Variants in PRMT9 observed in about 807,000 individuals in gnomAD.
PRMT9 encodes protein arginine N-methyltransferase 9.
In PRMT9, 59 loss-of-function variants were observed where a neutral mutation model predicts 83.2. The ratio of observed to expected loss-of-function variants is 0.71; its 90% CI spans 0.57 to 0.88. The LOEUF is 0.88. PRMT9 is among the 40% of genes least tolerant of loss of function. The pLI is 0.00. For missense variants in PRMT9, 947 were observed against 1,021.9 expected (o/e 0.93, Z 1.00); for synonymous variants, 333 against 353.2 (o/e 0.94, Z 0.64).
intron 9 of PRMT9, among the ~76,000 whole-genome samples, chr4:147,653,293 A>T (rs1474893980): frequency 6.6e-6 from 1 of 152,032 alleles, no homozygotes; most frequent in African/African-American, 2.4e-5. Context: ...TACTAAAAAT[A>T]CAAAATTAGC....
rs1186277127 is a variant in PRMT9, at chr4:147,680,465, A to G, written c.196T>C (p.Phe66Leu). The G allele has an allele frequency of 6.2e-7, 1 of 1,613,058 alleles. No individual in the cohort carries two copies. The highest frequency in any genetic ancestry group is 8.5e-7 in the Non-Finnish European group (1 of 1,179,194). ...GCCCATCTGAAAAGTGTGTACTGAA[A>G]AGTTTCCTTTACAAATAAGAAAAAA... ...PELKHDVKET[F>L]QYTLFRWAEE... The change falls in exon 2 of 12, where the codon TTT (phenylalanine) becomes CTT (leucine). Residue 66 changes from phenylalanine (F) to leucine (L), a missense_variant. Physicochemically the swap from Phe to Leu is conservative, Grantham distance 22. Transcript: ENST00000322396.
intron 5 of PRMT9, among the ~76,000 whole-genome samples, chr4:147,670,201 C>T (rs1040464055): frequency 3.3e-5 from 5 of 151,580 alleles, no homozygotes; most frequent in African/African-American, 4.9e-5. Context: ...TTGTTTGAGA[C>T]GGAGTTTCGC....
chr4:147,659,195 G>C (rs916922315), intron 7 of PRMT9, among the ~76,000 whole-genome samples: 1 of 142,828 alleles, frequency 7.0e-6, no homozygotes, highest in Admixed American at 7.0e-5. Flanking sequence ...AAAAAAAAGA[G>C]TTCGAGACCA....
At chr4:147,665,784 ATTT>A (rs1735286634) in intron 6 of PRMT9, among the ~76,000 whole-genome samples, 1 of 152,126 alleles carries the variant, frequency 6.6e-6, no homozygotes, top group Admixed American at 6.6e-5. Flanking sequence ...TACCTTAACC[ATTT>A]TTTTGCATAA....
chr4:147,637,881 A>G lies in PRMT9; in HGVS notation c.*651T>C, dbSNP rs1402067805. The G allele has an allele frequency of 1.3e-5, 2 of 152,420 alleles. No individual in the cohort carries two copies. The highest frequency in any genetic ancestry group is 2.4e-5 in the African/African-American group (1 of 41,462). 9.4% of individuals were successfully genotyped at this position (152,420 alleles called of 1,614,324 possible). On this transcript the variant is annotated 3_prime_UTR_variant, in exon 12 of 12. Coordinates refer to ENST00000322396, the MANE Select transcript of PRMT9 (RefSeq NM_138364.4). ...TACATCCAAATCAAAACTTTGAAAA[A>G]TAGTATAGGATTAAGTCTTCCTTCA...
intron 9 of PRMT9, among the ~76,000 whole-genome samples, chr4:147,649,238 C>T (rs1035559194): frequency 6.6e-6 from 1 of 151,166 alleles, no homozygotes; most frequent in African/African-American, 2.4e-5. Context: ...AGAGGGCTGA[C>T]CTCATCCTGT....
chr4:147,641,989 C>G (rs929313554), intron 10 of PRMT9, among the ~76,000 whole-genome samples: 2 of 152,082 alleles, frequency 1.3e-5, no homozygotes, highest in East Asian at 3.9e-4. Flanking sequence ...CTCCTTATTT[C>G]CTAAACAGAG....
At chr4:147,673,194 T>C in intron 3 of PRMT9, 68 bp from the exon 4 acceptor site, 1 of 1,423,888 alleles carries the variant, frequency 7.0e-7, no homozygotes, top group Non-Finnish European at 9.9e-7. Context: ...TTTAAGGAAA[T>C]GATGATGCTA....
At chr4:147,669,707 A>C (rs74850430) in intron 5 of PRMT9, among the ~76,000 whole-genome samples, 1 of 152,160 alleles carries the variant, frequency 6.6e-6, no homozygotes, top group Non-Finnish European at 1.5e-5. Flanking sequence ...AAAAAAAAAA[A>C]CTGCTCTTTT....
intron 8 of PRMT9, among the ~76,000 whole-genome samples, chr4:147,655,543 T>G (rs141985308): frequency 6.6e-6 from 1 of 152,062 alleles, no homozygotes; most frequent in African/African-American, 2.4e-5. Context: ...AAAATACAAA[T>G]TGTTATACTT....
chr4:147,661,658 C>T lies in PRMT9; in HGVS notation c.954-620G>A, dbSNP rs776083785. 5.3e-5 allele frequency among the ~76,000 whole-genome samples: 8 copies of T among 151,814 alleles called. 1 individual carries two copies. Among genetic ancestry groups the T allele is most frequent in the East Asian group, 1.9e-4 (1 of 5,160 alleles). ...ACAAAAGATTAGCCGGGCGTGTTGG[C>T]GGGCGCCTGTAGTTCCAGCTACTTG... On this transcript the variant is annotated intron_variant, in intron 6 of 11. Coordinates refer to ENST00000322396, the MANE Select transcript of PRMT9 (RefSeq NM_138364.4).
At chr4:147,646,898 C>G (rs774800596) in intron 9 of PRMT9, among the ~76,000 whole-genome samples, 1 of 152,166 alleles carries the variant, frequency 6.6e-6, no homozygotes, top group Non-Finnish European at 1.5e-5. Context: ...TGCAAGAAAT[C>G]TAACATAGCT....
At chr4:147,666,830 A>C (rs1017117302) in intron 6 of PRMT9, among the ~76,000 whole-genome samples, 2 of 151,486 alleles carry the variant, frequency 1.3e-5, no homozygotes, top group African/African-American at 2.4e-5. Flanking sequence ...GTTTAAAAAA[A>C]AAAAAAAAAA....
intron 8 of PRMT9, among the ~76,000 whole-genome samples, chr4:147,655,615 T>A (rs1415742910): frequency 6.6e-6 from 1 of 152,132 alleles, no homozygotes; most frequent in African/African-American, 2.4e-5. Context: ...AGTGGTATGA[T>A]CACTGTGGCC....
chr4:147,662,309 A>C (rs1735020368), intron 6 of PRMT9, among the ~76,000 whole-genome samples: 1 of 152,234 alleles, frequency 6.6e-6, no homozygotes, highest in Non-Finnish European at 1.5e-5. Flanking sequence ...GTTAGAAGTC[A>C]GATAGTAGGT....
chr4:147,677,780 T>C (rs569672836), intron 2 of PRMT9, among the ~76,000 whole-genome samples: 1 of 152,024 alleles, frequency 6.6e-6, no homozygotes, highest in Non-Finnish European at 1.5e-5. Flanking sequence ...AATAAGCAAC[T>C]GTTAACAAAA....
intron 9 of PRMT9, among the ~76,000 whole-genome samples, chr4:147,652,173 T>C (rs1264763261): frequency 6.6e-6 from 1 of 152,138 alleles, no homozygotes; most frequent in East Asian, 1.9e-4. Context: ...TTGGTACTAA[T>C]TTAACCAATT....
chr4:147,665,957 T>C (rs567207845), intron 6 of PRMT9, among the ~76,000 whole-genome samples: 1 of 152,354 alleles, frequency 6.6e-6, no homozygotes, highest in Admixed American at 6.5e-5. Flanking sequence ...TTTATCAGGA[T>C]AGATTCCCAG....
intron 9 of PRMT9, among the ~76,000 whole-genome samples, chr4:147,651,143 A>G (rs963971314): frequency 6.6e-6 from 1 of 152,022 alleles, no homozygotes; most frequent in Non-Finnish European, 1.5e-5. Flanking sequence ...TAAACCCACA[A>G]ATTATGTTCA....
Sources: allele counts gnomAD v4.1 joint callset (sites outside exome capture counted in the v4.1 genomes callset), GRCh38; gene constraint gnomAD v4.1.1; transcripts MANE v1.5; gene names NCBI Gene and HGNC (gene_info 2026-07-23, HGNC 2026-07-21).